Variants in MLLT10 observed in about 807,000 individuals in gnomAD.
The protein encoded by MLLT10 is protein AF-10.
MLLT10 carries 30 observed loss-of-function variants against 129.1 expected under a neutral mutation model. The observed-to-expected ratio is 0.23, with a 90% CI of 0.17 to 0.32. The LOEUF is 0.32. MLLT10 is among the 10% of genes least tolerant of loss of function. The probability of loss-of-function intolerance (pLI) is 1.00; values close to 1 mark genes in which losing one functional copy is unlikely to be tolerated. For synonymous variants in MLLT10, 490 were observed against 446.4 expected, an observed-to-expected ratio of 1.10 and a Z score of -1.23; for missense variants, 1,119 against 1,268.3, an observed-to-expected ratio of 0.88 and a Z score of 1.79.
chr10:21,608,744 T>C (rs981432133), intron 5 of MLLT10, among the ~76,000 whole-genome samples: 6 of 152,150 alleles, frequency 3.9e-5, no homozygotes, highest in African/African-American at 1.4e-4. Context: ...TATTGATCTC[T>C]TCTTAAGTTT....
intron 3 of MLLT10, chr10:21,556,574 C>G: frequency 7.9e-7 from 1 of 1,258,000 alleles, no homozygotes; most frequent in Admixed American, 2.2e-5. Context: ...TTGCAGTTTT[C>G]TAGGGCAGGT....
chr10:21,727,989 C>A, intron 16 of MLLT10, 61 bp downstream of exon 16: 1 of 1,380,400 alleles, frequency 7.2e-7, no homozygotes, highest in Non-Finnish European at 1.0e-6. Flanking sequence ...TGGAAACTTT[C>A]TTATCTCATA....
At chr10:21,576,591 A>G (rs1416247056) in intron 3 of MLLT10, among the ~76,000 whole-genome samples, 1 of 150,002 alleles carries the variant, frequency 6.7e-6, no homozygotes, top group Non-Finnish European at 1.5e-5. Context: ...TGTTTCTTAC[A>G]GACACCTTGT....
chr10:21,651,613 T>C, intron 8 of MLLT10, 60 bp from the exon 9 acceptor site: 1 of 1,123,758 alleles, frequency 8.9e-7, no homozygotes, highest in Admixed American at 2.1e-5. Context: ...AAAAAATCTC[T>C]GTTGCATATA....
chr10:21,631,065 C>T (rs2046953079), intron 8 of MLLT10, among the ~76,000 whole-genome samples: 1 of 151,946 alleles, frequency 6.6e-6, no homozygotes, highest in African/African-American at 2.4e-5. Flanking sequence ...AATCCCAGCA[C>T]TTGGGGAGGC....
intron 8 of MLLT10, among the ~76,000 whole-genome samples, chr10:21,634,208 G>C (rs956795497): frequency 6.6e-6 from 1 of 152,118 alleles, no homozygotes; most frequent in African/African-American, 2.4e-5. Context: ...CCCAGCCTGG[G>C]TGACACAGCG....
intron 3 of MLLT10, among the ~76,000 whole-genome samples, chr10:21,574,483 G>C (rs560194055): frequency 6.6e-6 from 1 of 152,046 alleles, no homozygotes; most frequent in Non-Finnish European, 1.5e-5. Context: ...AATTTGAGGC[G>C]GATTCATAGA....
intron 3 of MLLT10, among the ~76,000 whole-genome samples, chr10:21,554,946 C>T (rs906491214): frequency 2.6e-5 from 4 of 151,628 alleles, no homozygotes; most frequent in African/African-American, 4.8e-5. Context: ...CTCAGCCTCC[C>T]GAGTACCTGG....
intron 8 of MLLT10, among the ~76,000 whole-genome samples, chr10:21,642,656 CAAAA>C (rs374427646): frequency 2.0e-5 from 2 of 99,668 alleles, no homozygotes; most frequent in Non-Finnish European, 2.0e-5. Context: ...GACTCTGTCT[CAAAA>C]AAAAAAAAAA....
At chr10:21,572,915 A>G (rs1315726830) in intron 3 of MLLT10, among the ~76,000 whole-genome samples, 1 of 152,130 alleles carries the variant, frequency 6.6e-6, no homozygotes, top group Non-Finnish European at 1.5e-5. Context: ...CTGGCCTAAA[A>G]TTATTTTTAA....
chr10:21,730,851 C>CT (rs1564737594), intron 16 of MLLT10, 49 bp from the exon 17 acceptor site: 1 of 1,600,714 alleles, frequency 6.2e-7, no homozygotes, highest in African/African-American at 1.3e-5. Context: ...AAACTGTACT[C>CT]TCTTAAAAGC....
intron 9 of MLLT10, among the ~76,000 whole-genome samples, chr10:21,664,302 T>C (rs2050515307): frequency 6.6e-6 from 1 of 151,168 alleles, no homozygotes; most frequent in Admixed American, 6.6e-5. Context: ...TTTTTTTTTG[T>C]TTGCTTTTTG....
intron 4 of MLLT10, among the ~76,000 whole-genome samples, chr10:21,586,764 G>C (rs1489586712): frequency 6.6e-6 from 1 of 152,076 alleles, no homozygotes; most frequent in Non-Finnish European, 1.5e-5. Context: ...GTGCCTGCCT[G>C]TAGTCCCAGC....
intron 8 of MLLT10, among the ~76,000 whole-genome samples, chr10:21,621,620 GC>G (rs2045869342): frequency 2.9e-5 from 2 of 69,480 alleles, no homozygotes; most frequent in African/African-American, 1.1e-4. Flanking sequence ...CCCCCACCCC[GC>G]CCCCGCCCCC....
At chr10:21,624,264 GA>G (rs576328263) in intron 8 of MLLT10, among the ~76,000 whole-genome samples, 13 of 152,152 alleles carry the variant, frequency 8.5e-5, no homozygotes, top group Admixed American at 8.5e-4. Flanking sequence ...CCAAAAAAAT[GA>G]AATTCTTCAA....
At chr10:21,573,595 T>TA (rs2040432704) in intron 3 of MLLT10, among the ~76,000 whole-genome samples, 1 of 152,016 alleles carries the variant, frequency 6.6e-6, no homozygotes, top group African/African-American at 2.4e-5. Flanking sequence ...GGTGTATTAT[T>TA]CTTTTTTTTT....
intron 21 of MLLT10, chr10:21,738,360 T>G (rs972269449): frequency 1.5e-5 from 19 of 1,260,586 alleles, no homozygotes; most frequent in Non-Finnish European, 1.8e-5. Context: ...AAACTCCATT[T>G]ATTTGGGTGT....
intron 13 of MLLT10, among the ~76,000 whole-genome samples, chr10:21,697,810 G>A (rs2054518125): frequency 6.6e-6 from 1 of 152,160 alleles, no homozygotes; most frequent in African/African-American, 2.4e-5. Flanking sequence ...GATAAAGACT[G>A]TTGTATTTAT....
At chr10:21,575,821 A>G (rs540786799) in intron 3 of MLLT10, among the ~76,000 whole-genome samples, 12 of 152,248 alleles carry the variant, frequency 7.9e-5, no homozygotes, top group African/African-American at 2.9e-4. Context: ...TTTTAGGTGC[A>G]TACATTTATA....
Sources: gnomAD v4.1 joint callset for allele counts (sites outside exome capture counted in the v4.1 genomes callset) on GRCh38, gnomAD v4.1.1 for gene constraint, MANE v1.5 for transcripts, NCBI Gene and HGNC (gene_info 2026-07-23, HGNC 2026-07-21) for gene names.